BRF1: variants seen among roughly 807,000 people sequenced by gnomAD.
The protein encoded by BRF1 is BRF1 general transcription factor IIIB subunit, also known as transcription factor IIIB 90 kDa subunit.
Under a neutral mutation model 81.7 loss-of-function variants are expected in BRF1, and 59 were observed. The observed-to-expected ratio is 0.72, with a 90% confidence interval of 0.59 to 0.90. BRF1 has a LOEUF of 0.90. BRF1 is among the 40% of genes least tolerant of loss of function. The probability of loss-of-function intolerance (pLI) is 0.00; values close to 1 mark genes in which losing one functional copy is unlikely to be tolerated. For missense variants in BRF1, 1,050 were observed against 936.3 expected, an observed-to-expected ratio of 1.12 and a Z score of -1.58; for synonymous variants, 491 against 395.6, an observed-to-expected ratio of 1.24 and a Z score of -2.86.
chr14:105,211,540 G>A, intron 16 of BRF1: 1 of 533,980 alleles, frequency 1.9e-6, no homozygotes, highest in South Asian at 2.6e-5. Flanking sequence ...GTATCCTACT[G>A]GGCCCCACCC....
At chr14:105,296,634 TGG>T (rs2057757160) in intron 1 of BRF1, among the ~76,000 whole-genome samples, 1 of 147,456 alleles carries the variant, frequency 6.8e-6, no homozygotes, top group African/African-American at 2.5e-5. Flanking sequence ...TGAGCCAAGA[TGG>T]TGCCACTGCA....
In BRF1 at chr14:105,211,246, G is replaced by C. The variant is rs1475773040; in HGVS notation, c.1872C>G (p.Pro624=). Residue 624 remains proline (P), a synonymous_variant, in exon 17 of 18, where the codon CCC becomes CCG. Coordinates refer to ENST00000547530, the MANE Select transcript of BRF1 (RefSeq NM_001519.4). ...GCCCGCTCTCCACCAGCACCGCCTGGGGCCTGGCAGGCTCAGCTCCGAGGG... is the reference window on the plus strand; with the variant it reads ...GCCCGCTCTCCACCAGCACCGCCTGCGGCCTGGCAGGCTCAGCTCCGAGGG... ...SPTLGAEPAR[P]QAVLVESGPV... 4.4e-6 allele frequency: 7 copies of C among 1,609,084 alleles called. No homozygotes were observed. In the Admixed American group the frequency reaches 5.0e-5, roughly 12 times the overall value.
intron 1 of BRF1, among the ~76,000 whole-genome samples, chr14:105,298,269 C>T (rs587657846): frequency 2.6e-5 from 4 of 152,228 alleles, no homozygotes; most frequent in East Asian, 1.9e-4. Flanking sequence ...AATTAATAGC[C>T]ACAACAACTT....
At chr14:105,216,818 G>A (rs1199274009) in intron 15 of BRF1, among the ~76,000 whole-genome samples, 2 of 152,182 alleles carry the variant, frequency 1.3e-5, no homozygotes, top group African/African-American at 2.4e-5. Context: ...CCGGAGACTC[G>A]GTGGGGTGGA....
intron 4 of BRF1, among the ~76,000 whole-genome samples, chr14:105,255,268 G>C (rs1022658390): frequency 6.6e-6 from 1 of 152,278 alleles, no homozygotes; most frequent in African/African-American, 2.4e-5. Context: ...ACTGAGCAGA[G>C]AGCATCTGAA....
At chr14:105,243,897 G>A (rs778736540) in intron 5 of BRF1, among the ~76,000 whole-genome samples, 1 of 152,082 alleles carries the variant, frequency 6.6e-6, no homozygotes, top group African/African-American at 2.4e-5. Context: ...TACTAAGGAG[G>A]CTGAAACAGG....
chr14:105,212,180 C>A lies in BRF1; in HGVS notation c.1773-16G>T. On this transcript the variant is annotated splice_polypyrimidine_tract_variant and intron_variant, in intron 15 of 17. Coordinates refer to ENST00000547530, the MANE Select transcript of BRF1 (RefSeq NM_001519.4). ...AGGCCTCAACCTGCAAAAGGAAGCA[C>A]AGCATGGCGGCCTCAGCCCAGGCTC... is the stretch of plus-strand genomic sequence containing the variant. 6.2e-7 allele frequency: 1 copy of A among 1,609,740 alleles called. No homozygotes were observed. Among genetic ancestry groups the A allele is most frequent in the Admixed American group, 1.7e-5 (1 of 59,650 alleles).
intron 6 of BRF1, 138 bp from the exon 7 acceptor site, chr14:105,229,051 C>T: frequency 1.3e-6 from 1 of 768,098 alleles, no homozygotes; most frequent in African/African-American, 1.7e-5. Flanking sequence ...GCAGTGAGAC[C>T]CTCACTTGGC....
intron 5 of BRF1, chr14:105,247,509 G>A: frequency 1.0e-6 from 1 of 985,346 alleles, no homozygotes; most frequent in Non-Finnish European, 1.2e-6. Context: ...CCATCCTGGA[G>A]AGTCCTTTGT....
At chr14:105,229,185 G>T (rs1173258572) in intron 6 of BRF1, among the ~76,000 whole-genome samples, 1 of 152,210 alleles carries the variant, frequency 6.6e-6, no homozygotes, top group Non-Finnish European at 1.5e-5. Flanking sequence ...ATCCCTCAAA[G>T]CAAACAAACT....
rs2055288073 is a variant in BRF1 at position 105,248,516 on chromosome 14, C to G, written c.544+3991G>C. The G allele has an allele frequency of 1.1e-5, 11 of 960,058 alleles. No homozygotes were observed. The South Asian group carries it at 5.4e-4, about 48-fold the overall frequency. The allele number at this position is 960,058 out of a possible 1,614,324, so 59.5% of individuals were successfully genotyped here. A position where few individuals can be genotyped will look rare whatever the true frequency, so the allele number is the denominator to read the frequency against. On this transcript the variant is annotated intron_variant, in intron 5 of 17. Coordinates refer to ENST00000547530, the MANE Select transcript of BRF1 (RefSeq NM_001519.4). ...GGGGCCGCGAGGCAGCGACGTCGCGCGGGGCGCGGCCCTGACGCAGCGTGA... is the reference window on the plus strand; with the variant it reads ...GGGGCCGCGAGGCAGCGACGTCGCGGGGGGCGCGGCCCTGACGCAGCGTGA...
intron 1 of BRF1, among the ~76,000 whole-genome samples, chr14:105,298,397 A>G (rs1192693908): frequency 6.6e-6 from 1 of 152,248 alleles, no homozygotes; most frequent in African/African-American, 2.4e-5. Flanking sequence ...TCAACAGGGC[A>G]GGACACAAGG....
rs916098941 is a variant in BRF1, at chr14:105,271,666, G to C, written c.439+1055C>G. 6.6e-6 allele frequency among the ~76,000 whole-genome samples: 1 copy of C among 152,230 alleles called. No homozygotes were observed. Among genetic ancestry groups the C allele is most frequent in the African/African-American group, 2.4e-5 (1 of 41,464 alleles). On this transcript the variant is annotated intron_variant, in intron 3 of 17. Transcript: ENST00000547530. This position sits in a 1 kb window ranked among gnomAD's most constrained non-coding sequence, Gnocchi z 5.5. ...GACAGCACAGCACAGAGCAGAGGAG[G>C]CTGGAAGGCTCTGGGCTCCCTGTCA...
intron 14 of BRF1, 87 bp from the exon 15 acceptor site, chr14:105,217,887 G>C: frequency 6.4e-7 from 1 of 1,553,194 alleles, no homozygotes; most frequent in South Asian, 1.2e-5. Flanking sequence ...CAGGAGTGCA[G>C]GCGGGTGAGG....
At chr14:105,228,707 C>A in intron 7 of BRF1, 113 bp downstream of exon 7, 2 of 1,241,222 alleles carry the variant, frequency 1.6e-6, no homozygotes, top group Non-Finnish European at 2.3e-6. Flanking sequence ...TGGCCAGCAG[C>A]CAGGCGGGGG....
chr14:105,229,177 C>A (rs1324332587), intron 6 of BRF1, among the ~76,000 whole-genome samples: 2 of 152,226 alleles, frequency 1.3e-5, no homozygotes, highest in South Asian at 4.1e-4. Flanking sequence ...TTCACGTAAT[C>A]CCTCAAAGCA....
chr14:105,248,401 G>A (rs914356166), intron 5 of BRF1: 3 of 985,274 alleles, frequency 3.0e-6, no homozygotes, highest in Admixed American at 6.1e-5. Context: ...GCCGGGAGCC[G>A]CCTTCCACGG....
chr14:105,303,208 C>T (rs139676544), upstream of BRF1, among the ~76,000 whole-genome samples: 208 of 152,210 alleles, frequency 1.4e-3, no homozygotes, highest in African/African-American at 4.6e-3. Context: ...AGATTCTACA[C>T]GTGAGCCAAT....
At chr14:105,250,783 T>G (rs1030655326) in intron 5 of BRF1, 3 of 1,144,446 alleles carry the variant, frequency 2.6e-6, no homozygotes, top group Non-Finnish European at 3.7e-6. Flanking sequence ...CTCTTTGACA[T>G]GTAGTCAGCT....
Sources: allele counts gnomAD v4.1 joint callset (sites outside exome capture counted in the v4.1 genomes callset), GRCh38; gene constraint gnomAD v4.1.1; non-coding constraint Gnocchi (gnomAD v3.1); transcripts MANE v1.5; gene names NCBI Gene and HGNC (gene_info 2026-07-23, HGNC 2026-07-21).